NME8: variants seen among roughly 807,000 people sequenced by gnomAD.
NME8 encodes the protein protein NME8.
A neutral mutation model predicts 82.3 loss-of-function variants in NME8; 72 were observed. That is an observed-to-expected ratio of 0.87 (90% CI 0.72 to 1.06). The LOEUF is 1.06. Among genes scored for constraint, NME8 ranks in the 50% least tolerant of loss-of-function variants. The probability of loss-of-function intolerance (pLI) is 0.00; values close to 1 mark genes in which losing one functional copy is unlikely to be tolerated. For missense variants in NME8, 712 were observed against 685.4 expected (o/e 1.04, Z -0.43); for synonymous variants, 267 against 228.5 (o/e 1.17, Z -1.52).
At chr7:37,855,322 A>C (rs532338897) in intron 5 of NME8, among the ~76,000 whole-genome samples, 18 of 152,194 alleles carry the variant, frequency 1.2e-4, no homozygotes, top group Non-Finnish European at 2.4e-4. Flanking sequence ...TGTACAACTG[A>C]AAGACTGGCA....
intron 12 of NME8, among the ~76,000 whole-genome samples, chr7:37,882,613 G>A (rs13229460): frequency 0.36 from 30,288 of 84,278 alleles, 3,994 homozygotes; most frequent in East Asian, 0.52. Flanking sequence ...GAGAGAGAGA[G>A]AGAAAGAAAG....
In NME8 at chr7:37,881,976, T is replaced by C. The variant is rs1784953056; in HGVS notation, c.995-2327T>C. On this transcript the variant is annotated intron_variant, in intron 12 of 17. Coordinates refer to ENST00000199447, the MANE Select transcript of NME8 (RefSeq NM_016616.5). ...GTTGTATTGCAGAGAAAAAGTCTGC[T>C]GTCAGCTTGGTTTTTGTTCCTTTGT... 1.3e-5 allele frequency among the ~76,000 whole-genome samples: 2 copies of C among 152,256 alleles called. 1 individual carries two copies. The highest frequency in any genetic ancestry group is 4.1e-4 in the South Asian group (2 of 4,836).
At chr7:37,868,140 G>A (rs1453353317) in intron 11 of NME8, among the ~76,000 whole-genome samples, 1 of 152,210 alleles carries the variant, frequency 6.6e-6, no homozygotes, top group Non-Finnish European at 1.5e-5. Context: ...ACAGATGACA[G>A]TGTAGGTTTG....
chr7:37,877,569 G>A (rs1292307222), intron 12 of NME8, among the ~76,000 whole-genome samples: 4 of 151,738 alleles, frequency 2.6e-5, no homozygotes, highest in Non-Finnish European at 4.4e-5. Flanking sequence ...TTATATATTG[G>A]CCTTTTATTC....
At chr7:37,864,544 A>G in intron 9 of NME8, 123 bp downstream of exon 9, 1 of 1,011,572 alleles carries the variant, frequency 9.9e-7, no homozygotes, top group Non-Finnish European at 1.4e-6. Context: ...GGTGCTAGGT[A>G]CCTCTAGAGG....
At position 37,882,623 on chromosome 7, in the gene NME8, GAA is replaced by G. The variant is rs1361084492; in HGVS notation, c.995-1678_995-1677del. Among the ~76,000 whole-genome samples, 698 of 94,490 alleles carry G rather than the reference GAA, an allele frequency of 7.4e-3. 3 individuals carry two copies. The highest frequency in any genetic ancestry group is 0.021 in the African/African-American group (616 of 29,536). The allele number at this position is 94,490 out of a possible 152,430, so 62.0% of individuals were successfully genotyped here. ...AGAGAGAGAGAGAGAGAGAAAGAAAGAAAGAAAGAAAGAAAGAAAGAGAAAGA... is the reference window on the plus strand; with the variant it reads ...AGAGAGAGAGAGAGAGAGAAAGAAAGAGAAAGAAAGAAAGAAAGAGAAAGA... On this transcript the variant is annotated intron_variant, in intron 12 of 17. Coordinates refer to ENST00000199447, the MANE Select transcript of NME8 (RefSeq NM_016616.5).
chr7:37,883,896 A>G (rs1033806754), intron 12 of NME8, among the ~76,000 whole-genome samples: 2 of 152,122 alleles, frequency 1.3e-5, no homozygotes, highest in Non-Finnish European at 2.9e-5. Context: ...AATCATGGTT[A>G]TTGAACATAA....
chr7:37,890,610 C>T (rs1839585), intron 15 of NME8, among the ~76,000 whole-genome samples: 2 of 151,950 alleles, frequency 1.3e-5, no homozygotes, highest in East Asian at 3.9e-4. Context: ...GAGCACCATT[C>T]TGCTCTCTAC....
chr7:37,879,864 T>A (rs1784916479), intron 12 of NME8, among the ~76,000 whole-genome samples: 1 of 152,236 alleles, frequency 6.6e-6, no homozygotes, highest in Non-Finnish European at 1.5e-5. Flanking sequence ...GGATTTGGTA[T>A]TGTCAGTTTT....
intron 15 of NME8, 144 bp downstream of exon 15, chr7:37,888,572 A>G: frequency 1.5e-6 from 1 of 686,498 alleles, no homozygotes; most frequent in South Asian, 1.8e-5. Flanking sequence ...TCCTTCATTT[A>G]GATTCAACAA....
At chr7:37,877,102 T>G in intron 12 of NME8, 95 bp downstream of exon 12, 1 of 1,075,542 alleles carries the variant, frequency 9.3e-7, no homozygotes, top group Non-Finnish European at 1.4e-6. Context: ...GTTTTAAAAT[T>G]TAACATTGAA....
intron 17 of NME8, among the ~76,000 whole-genome samples, chr7:37,898,088 A>G (rs980698273): frequency 1.3e-5 from 2 of 152,172 alleles, no homozygotes; most frequent in African/African-American, 4.8e-5. Flanking sequence ...TGTCTTCCAC[A>G]ATGATTGAAC....
chr7:37,865,466 T>G (rs1784662182), intron 9 of NME8, 59 bp from the exon 10 acceptor site: 7 of 1,217,270 alleles, frequency 5.8e-6, no homozygotes, highest in Non-Finnish European at 8.5e-6. Context: ...AAAACAAACT[T>G]AACTTGTTTT....
At chr7:37,870,588 C>CAAAAA (rs35884288) in intron 11 of NME8, among the ~76,000 whole-genome samples, 1 of 97,634 alleles carries the variant, frequency 1.0e-5, no homozygotes, top group Non-Finnish European at 2.1e-5. Flanking sequence ...GACTCCATCT[C>CAAAAA]AAAAAAAAAA....
chr7:37,868,661 G>A (rs1207328238), intron 11 of NME8, among the ~76,000 whole-genome samples: 1 of 152,034 alleles, frequency 6.6e-6, no homozygotes, highest in Non-Finnish European at 1.5e-5. Context: ...TGGCCACAAG[G>A]GCTGGGGCTT....
At chr7:37,886,539 T>G (rs1785043461) in intron 14 of NME8, among the ~76,000 whole-genome samples, 1 of 152,212 alleles carries the variant, frequency 6.6e-6, no homozygotes, top group African/African-American at 2.4e-5. Flanking sequence ...GATTCTATGC[T>G]GGCATTGTTT....
At chr7:37,892,786 C>CTGATTTA (rs1212809696) in intron 15 of NME8, among the ~76,000 whole-genome samples, 13 of 151,802 alleles carry the variant, frequency 8.6e-5, no homozygotes, top group South Asian at 2.1e-4. Context: ...GTTTGAAGTT[C>CTGATTTA]TGATTTATGA....
rs533473336 is a variant in NME8, at chr7:37,872,129, A to G, written c.818+4231A>G. On this transcript the variant is annotated intron_variant, in intron 11 of 17. Transcript: ENST00000199447. ...GCAGACAACCACAGACCCTGAGAAT[A>G]ACAGACTTGTGGACTTCACTGAGAC... Among the ~76,000 whole-genome samples the G allele has an allele frequency of 2.0e-5, 3 of 151,846 alleles. No homozygotes were observed. The East Asian group carries it at 5.8e-4, about 30-fold the overall frequency.
At chr7:37,899,201 T>C (rs928958307) in intron 17 of NME8, among the ~76,000 whole-genome samples, 10 of 152,320 alleles carry the variant, frequency 6.6e-5, no homozygotes, top group African/African-American at 2.4e-4. Context: ...CCCAAAGGAA[T>C]ATAAATCCTT....
Sources: gnomAD v4.1 joint callset for allele counts (sites outside exome capture counted in the v4.1 genomes callset) on GRCh38, gnomAD v4.1.1 for gene constraint, MANE v1.5 for transcripts, NCBI Gene and HGNC (gene_info 2026-07-23, HGNC 2026-07-21) for gene names.